The following SMURF1 variants were observed in gnomAD, a reference collection of about 807,000 sequenced individuals.
The protein encoded by SMURF1 is E3 ubiquitin-protein ligase SMURF1.
A neutral mutation model predicts 98.0 loss-of-function variants in SMURF1; 44 were observed. That is an observed-to-expected ratio of 0.45 (90% confidence interval 0.35 to 0.58). The LOEUF is 0.58. Among genes scored for constraint, SMURF1 ranks in the 20% least tolerant of loss-of-function variants. The probability of loss-of-function intolerance (pLI) is 0.00; values close to 1 mark genes in which losing one functional copy is unlikely to be tolerated. For synonymous variants in SMURF1, 396 were observed against 374.9 expected, an observed-to-expected ratio of 1.06 and a Z score of -0.65; for missense variants, 687 against 938.4, an observed-to-expected ratio of 0.73 and a Z score of 3.50.
chr7:99,110,053 A>G (rs1478613382), intron 1 of SMURF1, among the ~76,000 whole-genome samples: 1 of 152,238 alleles, frequency 6.6e-6, no homozygotes, highest in Non-Finnish European at 1.5e-5. Flanking sequence ...GTCCTGAAAC[A>G]TTGTTCATTG....
chr7:99,098,063 T>G (rs1474301611), intron 1 of SMURF1, among the ~76,000 whole-genome samples: 1 of 152,230 alleles, frequency 6.6e-6, no homozygotes, highest in Non-Finnish European at 1.5e-5. Context: ...CATCAAGAAC[T>G]GCTTTTATTG....
chr7:99,050,872 G>T (rs1563005658), intron 8 of SMURF1: 3 of 1,183,932 alleles, frequency 2.5e-6, no homozygotes, highest in Non-Finnish European at 3.3e-6. Flanking sequence ...AAGAAAAAAA[G>T]AAACTTAACT....
chr7:99,133,197 G>A (rs879820873), intron 1 of SMURF1, among the ~76,000 whole-genome samples: 15 of 152,198 alleles, frequency 9.9e-5, no homozygotes, highest in East Asian at 1.9e-4. Context: ...TTAGTTTCCC[G>A]GGTCTTTTTG....
chr7:99,057,388 T>C (rs1563009171), intron 4 of SMURF1, 30 bp downstream of exon 4: 5 of 1,612,416 alleles, frequency 3.1e-6, no homozygotes, highest in Non-Finnish European at 4.2e-6. Context: ...TTTGGTTGCA[T>C]TAAGAGGCAG....
intron 11 of SMURF1, 116 bp from the exon 12 acceptor site, chr7:99,042,348 T>C: frequency 6.2e-6 from 4 of 643,716 alleles, no homozygotes; most frequent in Non-Finnish European, 5.4e-6. Context: ...GGCATGATCT[T>C]GGCTCACTGC....
intron 1 of SMURF1, among the ~76,000 whole-genome samples, chr7:99,087,441 T>C (rs1254954725): frequency 6.6e-6 from 1 of 152,164 alleles, no homozygotes. Context: ...AGAAGTGGCA[T>C]TTGCTTCTTA....
intron 6 of SMURF1, among the ~76,000 whole-genome samples, chr7:99,054,316 T>G (rs1795830131): frequency 6.6e-6 from 1 of 152,024 alleles, no homozygotes; most frequent in Admixed American, 6.6e-5. Context: ...TGTTTGTTTG[T>G]TTGTTTTTGA....
rs906382114 is a variant in SMURF1, at chr7:99,027,952, G to C, written c.*2632C>G. ...CAGATTCTCTTTTCAGAACTTGAGA[G>C]AGCCCTTTTCCGGTCGCCCCGGGCC... On this transcript the variant is annotated 3_prime_UTR_variant, in exon 18 of 18. Coordinates refer to ENST00000361368, the MANE Select transcript of SMURF1 (RefSeq NM_181349.3). 8 of 152,678 alleles carry C rather than the reference G, an allele frequency of 5.2e-5. No individual in the cohort carries two copies. Among genetic ancestry groups the C allele is most frequent in the Non-Finnish European group, 1.2e-4 (8 of 68,060 alleles). 9.5% of individuals were successfully genotyped at this position (152,678 alleles called of 1,614,324 possible).
chr7:99,081,986 G>A (rs550254118), intron 1 of SMURF1, among the ~76,000 whole-genome samples: 7 of 152,340 alleles, frequency 4.6e-5, no homozygotes, highest in African/African-American at 1.7e-4. Context: ...CATCTAGTGA[G>A]TCTACGGGGT....
intron 1 of SMURF1, among the ~76,000 whole-genome samples, chr7:99,142,848 G>A (rs1400210467): frequency 6.7e-6 from 1 of 148,912 alleles, no homozygotes; most frequent in Non-Finnish European, 1.5e-5. Context: ...AGTGAGGGAT[G>A]GGACCAGGGG....
At chr7:99,041,648 G>A (rs1196945500) in intron 12 of SMURF1, among the ~76,000 whole-genome samples, 4 of 152,228 alleles carry the variant, frequency 2.6e-5, no homozygotes, top group African/African-American at 9.7e-5. Flanking sequence ...CTGCTGGCCG[G>A]CTGCCCACCC....
chr7:99,033,584 C>T (rs1014096150), intron 16 of SMURF1, among the ~76,000 whole-genome samples: 2 of 152,212 alleles, frequency 1.3e-5, no homozygotes, highest in African/African-American at 2.4e-5. Context: ...GCTGGGATTA[C>T]AGGCGTGAGC....
Position 99,042,187 on chromosome 7 carries a change from G to A in SMURF1, c.1302C>T (p.Tyr434=), listed in dbSNP as rs367909690. 15 of 1,613,830 alleles carry A rather than the reference G, an allele frequency of 9.3e-6. No individual in the cohort carries two copies. The highest frequency in any genetic ancestry group is 1.6e-4 in the Middle Eastern group (1 of 6,082). Residue 434 remains tyrosine, a synonymous_variant, in exon 12 of 18, where the codon TAC becomes TAT. Coordinates refer to ENST00000361368, the MANE Select transcript of SMURF1 (RefSeq NM_181349.3). Reference sequence around the variant, plus strand: ...TGTCCGTAGAATACTGGAAGAGCCCGTAATAAGGATTCAGCATTTCATGGC... The same window carrying A: ...TGTCCGTAGAATACTGGAAGAGCCCATAATAAGGATTCAGCATTTCATGGC... ...LLCHEMLNPY[Y]GLFQYSTDNI...
At chr7:99,070,679 A>C (rs1182167919) in intron 1 of SMURF1, among the ~76,000 whole-genome samples, 1 of 151,562 alleles carries the variant, frequency 6.6e-6, no homozygotes, top group African/African-American at 2.4e-5. Flanking sequence ...TAGTTAACCC[A>C]CTAGAATGTA....
intron 1 of SMURF1, among the ~76,000 whole-genome samples, chr7:99,090,432 T>C (rs1220590041): frequency 2.6e-5 from 4 of 152,050 alleles, no homozygotes; most frequent in Non-Finnish European, 4.4e-5. Context: ...GACCCTCTTA[T>C]CTCTCCCTCC....
intron 13 of SMURF1, among the ~76,000 whole-genome samples, chr7:99,039,539 G>C (rs1234380072): frequency 1.3e-5 from 2 of 152,126 alleles, no homozygotes; most frequent in Non-Finnish European, 2.9e-5. Context: ...AGTAGGGACG[G>C]GATTTCACCA....
chr7:99,052,533 C>T (rs1005659521), intron 6 of SMURF1, 87 bp from the exon 7 acceptor site: 44 of 1,286,788 alleles, frequency 3.4e-5, no homozygotes, highest in Non-Finnish European at 4.1e-5. Context: ...TAGGGGACAC[C>T]GTCACATAAA....
rs899787201 is a variant in SMURF1 at position 99,035,831 on chromosome 7, G to C, written c.1810-115C>G. ...AAGTCGATTCCCAAGCAAAGCAGCA[G>C]CTGTGTACTAGGCAGATGTTGAGAC... On this transcript the variant is annotated intron_variant, in intron 15 of 17. Transcript: ENST00000361368. 1.0e-5 allele frequency: 10 copies of C among 971,820 alleles called. No homozygotes were observed. In the African/African-American group the frequency reaches 1.3e-4, roughly 13 times the overall value. The allele number at this position is 971,820 out of a possible 1,614,324, so 60.2% of individuals were successfully genotyped here.
chr7:99,031,275 T>G (rs1373156291), intron 17 of SMURF1: 1 of 152,184 alleles, frequency 6.6e-6, no homozygotes, highest in Non-Finnish European at 1.5e-5. Context: ...AAAATAGATC[T>G]CAAAACTAAC....
Sources: allele counts gnomAD v4.1 joint callset (sites outside exome capture counted in the v4.1 genomes callset), GRCh38; gene constraint gnomAD v4.1.1; transcripts MANE v1.5; gene names NCBI Gene and HGNC (gene_info 2026-07-23, HGNC 2026-07-21).